THSD4: variants seen among roughly 807,000 people sequenced by gnomAD.
THSD4 encodes thrombospondin type-1 domain-containing protein 4.
THSD4 carries 69 observed loss-of-function variants against 119.0 expected under a neutral mutation model. The ratio of observed to expected loss-of-function variants is 0.58; its 90% CI spans 0.48 to 0.71. The LOEUF is 0.71. THSD4 is among the 30% of genes least tolerant of loss of function. The pLI, the probability that THSD4 is intolerant of heterozygous loss-of-function variation, is 0.00. For missense variants in THSD4, 1,393 were observed against 1,391.1 expected, an observed-to-expected ratio of 1.00 and a Z score of -0.02; for synonymous variants, 524 against 540.4, an observed-to-expected ratio of 0.97 and a Z score of 0.42.
Position 71,159,242 on chromosome 15 carries a change from G to T in THSD4, c.99+4310G>T, listed in dbSNP as rs1366276103. On this transcript the variant is annotated intron_variant, in intron 3 of 17. Transcript: ENST00000261862. ...GATGTGTAGTATATTTTGAAGTCAGGTTGTGTGATGCTTCCAGTTTTGTTC... is the reference window on the plus strand; with the variant it reads ...GATGTGTAGTATATTTTGAAGTCAGTTTGTGTGATGCTTCCAGTTTTGTTC... Among the ~76,000 whole-genome samples the T allele has an allele frequency of 2.0e-5, 3 of 152,136 alleles. No homozygotes were observed. The East Asian group carries it at 5.8e-4, about 29-fold the overall frequency.
At chr15:71,335,603 G>C (rs2045480133) in intron 6 of THSD4, among the ~76,000 whole-genome samples, 1 of 152,056 alleles carries the variant, frequency 6.6e-6, no homozygotes, top group Admixed American at 6.5e-5. Context: ...AAGGGTGGGA[G>C]GTATGTGTGC....
chr15:71,283,854 TC>T (rs1383417113), intron 6 of THSD4, among the ~76,000 whole-genome samples: 1 of 152,178 alleles, frequency 6.6e-6, no homozygotes, highest in African/African-American at 2.4e-5. Context: ...AAGGGGAAGA[TC>T]TGCTCTGTTG....
intron 7 of THSD4, among the ~76,000 whole-genome samples, chr15:71,657,165 G>C (rs910986188): frequency 6.6e-6 from 1 of 152,176 alleles, no homozygotes; most frequent in South Asian, 2.1e-4. Context: ...ATGTCTGATT[G>C]CTCCTGTTAG....
chr15:71,546,530 A>G (rs375506221), intron 7 of THSD4, among the ~76,000 whole-genome samples: 22 of 152,324 alleles, frequency 1.4e-4, no homozygotes, highest in African/African-American at 2.9e-4. Flanking sequence ...CTTTAAAACC[A>G]TCCTGCATTT....
chr15:71,371,461 T>A (rs1446596377), intron 6 of THSD4, among the ~76,000 whole-genome samples: 3 of 152,210 alleles, frequency 2.0e-5, no homozygotes, highest in Non-Finnish European at 4.4e-5. Flanking sequence ...GGAGCTCTTT[T>A]AGGGCAGGCC....
chr15:71,465,334 T>C (rs1436617419), intron 7 of THSD4, among the ~76,000 whole-genome samples: 1 of 152,240 alleles, frequency 6.6e-6, no homozygotes. Context: ...CTACTGCATC[T>C]TGGCTGTGAT....
intron 11 of THSD4, among the ~76,000 whole-genome samples, chr15:71,742,127 T>G (rs74022418): frequency 0.056 from 8,525 of 152,280 alleles, 252 homozygotes; most frequent in South Asian, 0.12. Context: ...TGTGATCCCA[T>G]TGTGTATTTT....
chr15:71,155,793 C>T (rs1385638188), intron 3 of THSD4, among the ~76,000 whole-genome samples: 2 of 152,292 alleles, frequency 1.3e-5, no homozygotes, highest in East Asian at 1.9e-4. Flanking sequence ...TCACTGCCAA[C>T]TGATGGCCGG....
chr15:71,260,138 C>G (rs763440619), intron 6 of THSD4, among the ~76,000 whole-genome samples: 1 of 152,154 alleles, frequency 6.6e-6, no homozygotes, highest in Non-Finnish European at 1.5e-5. Flanking sequence ...CTATGCAAAC[C>G]ACAAAGAAAA....
At chr15:71,614,453 C>G (rs1174148625) in intron 7 of THSD4, among the ~76,000 whole-genome samples, 2 of 152,180 alleles carry the variant, frequency 1.3e-5, no homozygotes, top group Non-Finnish European at 2.9e-5. Flanking sequence ...CTGCTAGTCT[C>G]CATCTTCTGT....
chr15:71,700,499 C>T (rs2052263732), intron 8 of THSD4, among the ~76,000 whole-genome samples: 1 of 152,072 alleles, frequency 6.6e-6, no homozygotes, highest in Non-Finnish European at 1.5e-5. Flanking sequence ...ATCAATTTCC[C>T]CCAAATTAAT....
chr15:71,232,338 G>C (rs1031791579), intron 4 of THSD4, among the ~76,000 whole-genome samples: 2 of 152,124 alleles, frequency 1.3e-5, no homozygotes, highest in African/African-American at 4.8e-5. Flanking sequence ...ACGAGGCTCT[G>C]GGCCCACCCA....
intron 15 of THSD4, among the ~76,000 whole-genome samples, chr15:71,762,386 G>C (rs1284045175): frequency 6.6e-6 from 1 of 152,180 alleles, no homozygotes; most frequent in Non-Finnish European, 1.5e-5. Context: ...CACACACTTA[G>C]TACAGATGTA....
chr15:71,352,952 C>G (rs2045762824), intron 6 of THSD4, among the ~76,000 whole-genome samples: 1 of 152,180 alleles, frequency 6.6e-6, no homozygotes, highest in Non-Finnish European at 1.5e-5. Flanking sequence ...CTGGGAAATG[C>G]TGCGTCATCC....
intron 7 of THSD4, among the ~76,000 whole-genome samples, chr15:71,521,941 C>T (rs1347411430): frequency 6.6e-6 from 1 of 152,206 alleles, no homozygotes; most frequent in Non-Finnish European, 1.5e-5. Context: ...GGGGCAAATA[C>T]AGCCACCTGT....
At chr15:71,349,187 A>G (rs1046698031) in intron 6 of THSD4, among the ~76,000 whole-genome samples, 5 of 152,180 alleles carry the variant, frequency 3.3e-5, no homozygotes, top group Non-Finnish European at 7.3e-5. Context: ...GACCTTCAGT[A>G]TTCTAATTAA....
intron 7 of THSD4, among the ~76,000 whole-genome samples, chr15:71,618,451 C>T (rs1400581653): frequency 6.6e-6 from 1 of 152,128 alleles, no homozygotes; most frequent in Non-Finnish European, 1.5e-5. Context: ...GTTATGTTAC[C>T]AATATGCAAA....
At chr15:71,546,594 A>G (rs2048841523) in intron 7 of THSD4, among the ~76,000 whole-genome samples, 1 of 152,110 alleles carries the variant, frequency 6.6e-6, no homozygotes. Context: ...TTCCCATGTT[A>G]CCACCTATTT....
At chr15:71,529,648 T>C (rs1202964373) in intron 7 of THSD4, among the ~76,000 whole-genome samples, 3 of 152,170 alleles carry the variant, frequency 2.0e-5, no homozygotes, top group Non-Finnish European at 2.9e-5. Flanking sequence ...GAAATAAAAG[T>C]AATTTTTTTT....
Sources: gnomAD v4.1 joint callset for allele counts (sites outside exome capture counted in the v4.1 genomes callset) on GRCh38, gnomAD v4.1.1 for gene constraint, MANE v1.5 for transcripts, NCBI Gene and HGNC (gene_info 2026-07-23, HGNC 2026-07-21) for gene names.